Variants in GOLGB1 observed in about 807,000 individuals in gnomAD.
GOLGB1 encodes golgin B1.
A neutral mutation model predicts 336.9 loss-of-function variants in GOLGB1; 174 were observed. That is an observed-to-expected ratio of 0.52 (90% CI 0.46 to 0.59). The LOEUF (loss-of-function observed/expected upper bound fraction) is 0.59. Among genes scored for constraint, GOLGB1 ranks in the 20% least tolerant of loss-of-function variants. The probability of loss-of-function intolerance (pLI) is 0.00; values close to 1 mark genes in which losing one functional copy is unlikely to be tolerated. For missense variants in GOLGB1, 3,331 were observed against 3,645.3 expected (o/e 0.91, Z 2.22); for synonymous variants, 1,208 against 1,289.2 (o/e 0.94, Z 1.35).
rs1444496214 is a variant in GOLGB1, at chr3:121,693,766, C to T, written c.6757G>A (p.Glu2253Lys). 1 of 1,606,974 alleles carries T rather than the reference C, an allele frequency of 6.2e-7. No homozygotes were observed. Among genetic ancestry groups the T allele is most frequent in the Non-Finnish European group, 8.5e-7 (1 of 1,175,024 alleles). ...CTGGAAATGTTAATCTTTAATTCTT[C>T]CATATGGATGGACATCTGTCTAAGT... ...DQLRQMSIHM[E>K]ELKINISRLE... Residue 2253 changes from glutamate to lysine, a missense_variant, in exon 13 of 22, where the codon GAA (glutamate) becomes AAA (lysine). Transcript: ENST00000614479.
At chr3:121,689,039 C>A (rs1472368126) in intron 14 of GOLGB1, among the ~76,000 whole-genome samples, 1 of 150,958 alleles carries the variant, frequency 6.6e-6, no homozygotes, top group East Asian at 2.0e-4. Flanking sequence ...CCCGCCCAGC[C>A]AGCCGCCCCG....
chr3:121,696,246 G>A lies in GOLGB1; in HGVS notation c.4277C>T (p.Ala1426Val). The A allele has an allele frequency of 6.2e-7, 1 of 1,613,824 alleles. No homozygotes were observed. The highest frequency in any genetic ancestry group is 1.3e-5 in the African/African-American group (1 of 75,018). ...LSGQLSEKEA[A>V]LTKIQTEIIE... ...TATCTCTGTCTGTATTTTAGTGAGA[G>A]CTGCTTCTTTCTCACTAAGTTGTCC... The change falls in exon 13 of 22, where the codon GCT becomes GTT. Residue 1426 changes from alanine to valine, a missense_variant. By Grantham distance (64) the Ala-to-Val change is moderately conservative (BLOSUM62 0). Transcript: ENST00000614479.
At chr3:121,729,470 G>A in intron 3 of GOLGB1, 130 bp from the exon 4 acceptor site, 1 of 735,336 alleles carries the variant, frequency 1.4e-6, no homozygotes, top group East Asian at 2.7e-5. Flanking sequence ...CTGGAGTGCA[G>A]TGGCACAATC....
Position 121,697,261 on chromosome 3 carries a change from T to G in GOLGB1, c.3262A>C (p.Lys1088Gln). Residue 1088 changes from lysine to glutamine, a missense_variant, in exon 13 of 22, where the codon AAG becomes CAG. Lys to Gln is a moderately conservative substitution (Grantham distance 53, BLOSUM62 1). Transcript: ENST00000614479. ...TGGAATTGCTCTTCAGCTGCCAGCT[T>G]TTCTTCCAAATCCTTCCTTATATGC... Reference protein sequence around the residue: ...LQHIRKDLEEKLAAEEQFQAL... With the variant: ...LQHIRKDLEEQLAAEEQFQAL... 6.2e-7 allele frequency: 1 copy of G among 1,614,158 alleles called. No homozygotes were observed. The highest frequency in any genetic ancestry group is 1.7e-5 in the Admixed American group (1 of 60,026).
At chr3:121,707,225 C>CAAAAAAA (rs554313106) in intron 10 of GOLGB1, among the ~76,000 whole-genome samples, 1 of 93,640 alleles carries the variant, frequency 1.1e-5, no homozygotes, top group Non-Finnish European at 2.0e-5. Context: ...GACTCCATCT[C>CAAAAAAA]AAAAAAAAAA....
chr3:121,702,524 C>A lies in GOLGB1; in HGVS notation c.1476G>T (p.Leu492Phe). 6.5e-7 allele frequency: 1 copy of A among 1,550,128 alleles called. No homozygotes were observed. Among genetic ancestry groups the A allele is most frequent in the Non-Finnish European group, 8.7e-7 (1 of 1,149,470 alleles). ...VVELENEKGA[L>F]LLSSIELEEL... ...CCTCCAGCTCTATAGAACTAAGGAGCAAGGCTCCCTTTTCATTCTCTAGTT... is the reference window on the plus strand; with the variant it reads ...CCTCCAGCTCTATAGAACTAAGGAGAAAGGCTCCCTTTTCATTCTCTAGTT... The change falls in exon 11 of 22, where the codon TTG becomes TTT. Residue 492 changes from leucine to phenylalanine, a missense_variant. By Grantham distance (22) the Leu-to-Phe change is conservative. Coordinates refer to ENST00000614479, the MANE Select transcript of GOLGB1 (RefSeq NM_001366282.2).
Position 121,707,765 on chromosome 3 carries a change from A to G in GOLGB1, c.1405-5170T>C, listed in dbSNP as rs1377447505. On this transcript the variant is annotated intron_variant, in intron 10 of 21. Transcript: ENST00000614479. Reference sequence around the variant, plus strand: ...TAAAGTTTTATTGGAACATAACCACAACCATTTGTTTACCTTGGCTCTATG... The same window carrying G: ...TAAAGTTTTATTGGAACATAACCACGACCATTTGTTTACCTTGGCTCTATG... Among the ~76,000 whole-genome samples the G allele has an allele frequency of 3.3e-5, 5 of 152,308 alleles. No homozygotes were observed. The South Asian group carries it at 8.3e-4, about 25-fold the overall frequency.
chr3:121,685,941 T>C (rs1405672399), intron 14 of GOLGB1, among the ~76,000 whole-genome samples: 2 of 152,208 alleles, frequency 1.3e-5, no homozygotes, highest in Non-Finnish European at 2.9e-5. Flanking sequence ...TCCTCTAGTC[T>C]AGATACTAGA....
chr3:121,674,383 C>A (rs1336578425), intron 17 of GOLGB1, among the ~76,000 whole-genome samples: 1 of 152,078 alleles, frequency 6.6e-6, no homozygotes, highest in African/African-American at 2.4e-5. Flanking sequence ...TACAATGTTA[C>A]CTGTGGCCTC....
At chr3:121,722,506 A>C (rs967069105) in intron 5 of GOLGB1, 128 bp from the exon 6 acceptor site, 2 of 585,848 alleles carry the variant, frequency 3.4e-6, no homozygotes, top group Non-Finnish European at 6.1e-6. Context: ...TTTCCATTGA[A>C]CCCAAAAGGA....
intron 14 of GOLGB1, among the ~76,000 whole-genome samples, chr3:121,687,104 C>A (rs1280547864): frequency 1.3e-5 from 2 of 152,122 alleles, no homozygotes; most frequent in Non-Finnish European, 2.9e-5. Flanking sequence ...GAAACCCCAT[C>A]TCTACTAAAA....
Position 121,691,577 on chromosome 3 carries a change from T to G in GOLGB1, c.7787A>C (p.Asn2596Thr). 1 of 1,613,738 alleles carries G rather than the reference T, an allele frequency of 6.2e-7. No homozygotes were observed. The highest frequency in any genetic ancestry group is 8.5e-7 in the Non-Finnish European group (1 of 1,179,900). The change falls in exon 14 of 22, where the codon AAT (asparagine) becomes ACT (threonine). Residue 2596 changes from asparagine (N) to threonine (T), a missense_variant. By Grantham distance (65) the Asn-to-Thr change is moderately conservative. Coordinates refer to ENST00000614479, the MANE Select transcript of GOLGB1 (RefSeq NM_001366282.2). ...EANEDLRRSF[N>T]ALQEEKQDLS... ...ATCTTGTTTCTCTTCTTGTAGGGCA[T>G]TAAAGGACCTCCGCAGATCCTCATT...
At chr3:121,665,069 T>C (rs776069908) in intron 20 of GOLGB1, 38 bp from the exon 21 acceptor site, 6 of 1,143,782 alleles carry the variant, frequency 5.2e-6, no homozygotes, top group African/African-American at 1.5e-5. Context: ...CATTGGTTCA[T>C]AGCATGAGAG....
intron 1 of GOLGB1, chr3:121,748,787 A>G: frequency 1.0e-6 from 1 of 980,802 alleles, no homozygotes; most frequent in Non-Finnish European, 1.2e-6. Context: ...GTACTTACCC[A>G]TGATTGTAAA....
In GOLGB1 at chr3:121,664,147, T is replaced by A; in HGVS notation, c.*333A>T. 3.8e-6 allele frequency: 1 copy of A among 260,662 alleles called. No individual in the cohort carries two copies. The highest frequency in any genetic ancestry group is 4.7e-5 in the Admixed American group (1 of 21,306). 16.1% of individuals were successfully genotyped at this position (260,662 alleles called of 1,614,324 possible). On this transcript the variant is annotated 3_prime_UTR_variant, in exon 22 of 22. Transcript: ENST00000614479. The stretch of plus-strand genomic sequence containing the variant: ...GTTTATTGAAACCATCCTCTTGGCT[T>A]GGCTGAAAGACATTCCTCAGTATCT...
Position 121,695,038 on chromosome 3 carries a change from C to T in GOLGB1, c.5485G>A (p.Ala1829Thr), listed in dbSNP as rs1159453154. 1.1e-5 allele frequency: 17 copies of T among 1,614,104 alleles called. No individual in the cohort carries two copies. Among genetic ancestry groups the T allele is most frequent in the Non-Finnish European group, 1.4e-5 (16 of 1,179,972 alleles). The change falls in exon 13 of 22, where the codon GCT (alanine) becomes ACT (threonine). Residue 1829 changes from alanine to threonine, a missense_variant. Physicochemically the swap from Ala to Thr is moderately conservative, Grantham distance 58 (BLOSUM62 0). Coordinates refer to ENST00000614479, the MANE Select transcript of GOLGB1 (RefSeq NM_001366282.2). The part of the protein sequence containing the change: ...SVPSAKSANP[A>T]VSKDFSSHDE... ...TGTGAGCTGAAATCCTTACTTACAG[C>T]AGGGTTGGCACTCTTCGCTGATGGA...
At chr3:121,700,896 C>T (rs1428426771) in intron 11 of GOLGB1, among the ~76,000 whole-genome samples, 1 of 152,096 alleles carries the variant, frequency 6.6e-6, no homozygotes, top group Non-Finnish European at 1.5e-5. Flanking sequence ...AAGCCTAATA[C>T]TTATCATTCT....
chr3:121,722,292 G>A lies in GOLGB1; in HGVS notation c.618C>T (p.Leu206=), dbSNP rs371481231. 53 of 1,611,336 alleles carry A rather than the reference G, an allele frequency of 3.3e-5. No homozygotes were observed. In the East Asian group the frequency reaches 4.7e-4, roughly 14 times the overall value. Residue 206 remains leucine (L), a synonymous_variant, in exon 6 of 22, where the codon CTC becomes CTT. Coordinates refer to ENST00000614479, the MANE Select transcript of GOLGB1 (RefSeq NM_001366282.2). ...EEFISTLQAQ[L]SQTQAEQAAQ... is the part of the protein sequence containing the mutation. ...CAGCTTGCTCTGCCTGTGTCTGGCT[G>A]AGCTGGGCTTGTAAAGTGCTAATGA...
rs778436577 is a variant in GOLGB1, at chr3:121,664,514, A to G, written c.9761T>C (p.Val3254Ala). The G allele has an allele frequency of 1.9e-6, 3 of 1,613,826 alleles. No individual in the cohort carries two copies. The highest frequency in any genetic ancestry group is 2.2e-5 in the South Asian group (2 of 91,082). Reference protein sequence around the residue: ...LAAIYFLMIHVLLILCFTGHL With the variant: ...LAAIYFLMIHALLILCFTGHL ...GCCCGTAAAACACAGAATGAGCAGG[A>G]CATGAATCATTAGAAAGTAGATGGC... The change falls in exon 22 of 22, where the codon GTC (valine) becomes GCC (alanine). Residue 3254 changes from valine (V) to alanine (A), a missense_variant. By Grantham distance (64) the Val-to-Ala change is moderately conservative. Coordinates refer to ENST00000614479, the MANE Select transcript of GOLGB1 (RefSeq NM_001366282.2).
Sources: allele counts gnomAD v4.1 joint callset (sites outside exome capture counted in the v4.1 genomes callset), GRCh38; gene constraint gnomAD v4.1.1; transcripts MANE v1.5; gene names NCBI Gene and HGNC (gene_info 2026-07-23, HGNC 2026-07-21).